The following EPHB1 variants were observed in gnomAD, a reference collection of about 807,000 sequenced individuals.
EPHB1 encodes EPH receptor B1.
EPHB1 carries 30 observed loss-of-function variants against 94.4 expected under a neutral mutation model. The ratio of observed to expected loss-of-function variants is 0.32; its 90% CI spans 0.24 to 0.43. The LOEUF (loss-of-function observed/expected upper bound fraction) is 0.43, where lower values mean the gene tolerates loss of function less well. Among genes scored for constraint, EPHB1 ranks in the 20% least tolerant of loss-of-function variants. The pLI is 1.00. For synonymous variants in EPHB1, 522 were observed against 489.1 expected (o/e 1.07, Z -0.89); for missense variants, 1,055 against 1,308.3 (o/e 0.81, Z 2.99).
At chr3:134,894,992 G>T (rs1190877004) in intron 1 of EPHB1, among the ~76,000 whole-genome samples, 3 of 152,186 alleles carry the variant, frequency 2.0e-5, no homozygotes, top group Non-Finnish European at 4.4e-5. Flanking sequence ...GAAAGGAGTG[G>T]CTGCCTCCAG....
chr3:135,149,659 A>AT (rs1941130296), intron 5 of EPHB1, among the ~76,000 whole-genome samples: 1 of 152,192 alleles, frequency 6.6e-6, no homozygotes, highest in African/African-American at 2.4e-5. Flanking sequence ...GCTGCCCGTG[A>AT]TTTTCAGGGA....
intron 2 of EPHB1, among the ~76,000 whole-genome samples, chr3:134,931,505 G>A (rs1321269080): frequency 2.6e-5 from 4 of 152,198 alleles, no homozygotes; most frequent in African/African-American, 9.7e-5. Flanking sequence ...AAAAAGTGCT[G>A]CGAGGGCTTC....
intron 1 of EPHB1, among the ~76,000 whole-genome samples, chr3:134,871,694 C>T (rs945926322): frequency 1.3e-5 from 2 of 152,186 alleles, no homozygotes; most frequent in African/African-American, 4.8e-5. Flanking sequence ...ACCAAACTTA[C>T]TTCCAGCCTA....
intron 11 of EPHB1, among the ~76,000 whole-genome samples, chr3:135,199,944 C>G (rs552027947): frequency 9.2e-5 from 14 of 152,134 alleles, no homozygotes; most frequent in Non-Finnish European, 1.9e-4. Context: ...GATGGGAGCT[C>G]CTCTCATTGT....
At chr3:135,120,807 C>T (rs1939927032) in intron 4 of EPHB1, among the ~76,000 whole-genome samples, 1 of 152,084 alleles carries the variant, frequency 6.6e-6, no homozygotes, top group Non-Finnish European at 1.5e-5. Context: ...TATCTTGATG[C>T]CAGTCTGATC....
intron 11 of EPHB1, among the ~76,000 whole-genome samples, chr3:135,194,497 G>A (rs1267232943): frequency 2.6e-5 from 4 of 152,196 alleles, no homozygotes; most frequent in Non-Finnish European, 1.5e-5. Context: ...ATGGAACAGC[G>A]AAACAGTGTA....
At chr3:135,233,890 G>T (rs1576488133) in intron 12 of EPHB1, among the ~76,000 whole-genome samples, 2 of 152,294 alleles carry the variant, frequency 1.3e-5, no homozygotes, top group East Asian at 3.9e-4. Context: ...ACCCCTTTTG[G>T]CCATAGCTGG....
At chr3:135,223,722 A>T (rs559178518) in intron 12 of EPHB1, among the ~76,000 whole-genome samples, 1 of 152,386 alleles carries the variant, frequency 6.6e-6, no homozygotes, top group South Asian at 2.1e-4. Flanking sequence ...GTTTGGTCAG[A>T]TAACTCTTTT....
intron 9 of EPHB1, among the ~76,000 whole-genome samples, chr3:135,178,018 T>G (rs1010820117): frequency 1.3e-5 from 2 of 152,164 alleles, no homozygotes; most frequent in African/African-American, 4.8e-5. Context: ...AGTCTATATA[T>G]TCTCAAGTCA....
chr3:135,192,566 G>A lies in EPHB1; in HGVS notation c.1883-10G>A. The stretch of plus-strand genomic sequence containing the variant: ...GGAAGAGGATATTAATGGCATTTTT[G>A]CTGTTGCAGGGGAGTTTGGAGAAGT... On this transcript the variant is annotated splice_polypyrimidine_tract_variant and intron_variant, in intron 10 of 15. Transcript: ENST00000398015. 1 of 1,611,606 alleles carries A rather than the reference G, an allele frequency of 6.2e-7. No individual in the cohort carries two copies. Among genetic ancestry groups the A allele is most frequent in the Non-Finnish European group, 8.5e-7 (1 of 1,178,254 alleles).
chr3:134,958,637 G>A (rs1191763103), intron 3 of EPHB1, among the ~76,000 whole-genome samples: 1 of 152,174 alleles, frequency 6.6e-6, no homozygotes, highest in African/African-American at 2.4e-5. Context: ...CCTGTAACAT[G>A]AGCTTCATAA....
intron 3 of EPHB1, among the ~76,000 whole-genome samples, chr3:135,093,285 G>A (rs1370159785): frequency 2.6e-5 from 4 of 152,094 alleles, no homozygotes; most frequent in African/African-American, 9.7e-5. Context: ...GTCCTTCTGT[G>A]CCAACTCCCA....
intron 3 of EPHB1, among the ~76,000 whole-genome samples, chr3:135,070,595 T>C (rs1937671984): frequency 6.6e-6 from 1 of 152,172 alleles, no homozygotes; most frequent in Non-Finnish European, 1.5e-5. Context: ...TCTTTTTTCA[T>C]CAGTTCAGGG....
At chr3:135,161,756 G>A (rs1181256349) in intron 6 of EPHB1, among the ~76,000 whole-genome samples, 1 of 152,116 alleles carries the variant, frequency 6.6e-6, no homozygotes, top group African/African-American at 2.4e-5. Context: ...AAGCTTCCTC[G>A]CCAGTCCCTG....
At chr3:135,189,366 A>C (rs371345520) in intron 10 of EPHB1, among the ~76,000 whole-genome samples, 2 of 152,320 alleles carry the variant, frequency 1.3e-5, no homozygotes, top group Admixed American at 6.5e-5. Context: ...TATGGTTTTC[A>C]GCCTGAGCGG....
chr3:134,858,336 G>A (rs936977306), intron 1 of EPHB1, among the ~76,000 whole-genome samples: 1 of 152,126 alleles, frequency 6.6e-6, no homozygotes, highest in African/African-American at 2.4e-5. Flanking sequence ...TGCTTTGTAT[G>A]TGTGTCTGTG....
intron 3 of EPHB1, among the ~76,000 whole-genome samples, chr3:134,971,761 CT>C (rs1933976395): frequency 6.6e-6 from 1 of 152,198 alleles, no homozygotes; most frequent in Non-Finnish European, 1.5e-5. Context: ...ACAGCTAAGG[CT>C]CCTGGCCTGT....
chr3:135,206,039 C>T (rs1942893091), intron 12 of EPHB1, among the ~76,000 whole-genome samples: 1 of 152,216 alleles, frequency 6.6e-6, no homozygotes, highest in Non-Finnish European at 1.5e-5. Flanking sequence ...GCATCCTCAC[C>T]CACATCCATA....
At chr3:135,193,933 C>T (rs1202647492) in intron 11 of EPHB1, among the ~76,000 whole-genome samples, 1 of 152,204 alleles carries the variant, frequency 6.6e-6, no homozygotes, top group Admixed American at 6.5e-5. Context: ...GAGTCAGTTG[C>T]AGTAGCTCAA....
Sources: allele counts gnomAD v4.1 joint callset (sites outside exome capture counted in the v4.1 genomes callset), GRCh38; gene constraint gnomAD v4.1.1; transcripts MANE v1.5; gene names NCBI Gene and HGNC (gene_info 2026-07-23, HGNC 2026-07-21).